The following ERC2 variants were observed in gnomAD, a reference collection of about 807,000 sequenced individuals.
ERC2 encodes the protein ERC protein 2.
Under a neutral mutation model 114.8 loss-of-function variants are expected in ERC2, and 42 were observed. That is an observed-to-expected ratio of 0.37 (90% confidence interval 0.29 to 0.47). The LOEUF is 0.47. Among genes scored for constraint, ERC2 ranks in the 20% least tolerant of loss-of-function variants. The probability of loss-of-function intolerance (pLI) is 0.99; values close to 1 mark genes in which losing one functional copy is unlikely to be tolerated. For missense variants in ERC2, 939 were observed against 1,150.7 expected (o/e 0.82, Z 2.66); for synonymous variants, 454 against 425.5 (o/e 1.07, Z -0.82).
intron 14 of ERC2, among the ~76,000 whole-genome samples, chr3:55,808,744 AC>A (rs2059599229): frequency 1.9e-4 from 16 of 85,668 alleles, no homozygotes; most frequent in South Asian, 5.2e-4. Context: ...TATATATATA[AC>A]GTATAACTAA....
intron 1 of ERC2, among the ~76,000 whole-genome samples, chr3:56,442,510 C>T (rs1418621840): frequency 6.6e-6 from 1 of 152,122 alleles, no homozygotes; most frequent in Non-Finnish European, 1.5e-5. Context: ...CGTGAACCAC[C>T]GTGCCCAGCC....
chr3:55,582,576 T>G (rs11720530), intron 17 of ERC2, among the ~76,000 whole-genome samples: 28,009 of 152,218 alleles, frequency 0.18, 2,579 homozygotes, highest in South Asian at 0.24. Flanking sequence ...GCTAATTGAT[T>G]CCTATTTCAA....
At chr3:55,995,509 A>C (rs537992107) in intron 10 of ERC2, among the ~76,000 whole-genome samples, 3 of 152,310 alleles carry the variant, frequency 2.0e-5, no homozygotes, top group Admixed American at 6.5e-5. Flanking sequence ...ATGTCATTTA[A>C]ATGTTTTTAA....
chr3:56,080,949 T>C lies in ERC2; in HGVS notation c.1509A>G (p.Glu503=), dbSNP rs752930678. ...GTTTTGTTTTTTTATTGAGGAAAGA[T>C]TCTTTTTCTTCCAGTCGTAATCTCA... The part of the protein sequence containing the change: ...DALRLRLEEK[E]SFLNKKTKQL... Residue 503 remains glutamate (E), a synonymous_variant, in exon 7 of 18, where the codon GAA becomes GAG. Coordinates refer to ENST00000288221, the MANE Select transcript of ERC2 (RefSeq NM_015576.3). The C allele has an allele frequency of 1.9e-5, 30 of 1,613,334 alleles. No homozygotes were observed. Among genetic ancestry groups the C allele is most frequent in the Non-Finnish European group, 2.5e-5 (30 of 1,179,624 alleles).
At chr3:56,388,756 T>C (rs2060024653) in intron 2 of ERC2, among the ~76,000 whole-genome samples, 1 of 152,160 alleles carries the variant, frequency 6.6e-6, no homozygotes, top group Non-Finnish European at 1.5e-5. Flanking sequence ...CAATCACATA[T>C]ATATCTAATC....
intron 4 of ERC2, among the ~76,000 whole-genome samples, chr3:56,171,653 A>G (rs141121152): frequency 3.3e-5 from 5 of 152,166 alleles, no homozygotes; most frequent in African/African-American, 1.2e-4. Context: ...TGAGTTTTTT[A>G]TTTATAAATT....
At chr3:56,061,667 A>C (rs1329812775) in intron 7 of ERC2, among the ~76,000 whole-genome samples, 1 of 152,260 alleles carries the variant, frequency 6.6e-6, no homozygotes, top group African/African-American at 2.4e-5. Flanking sequence ...TGGAAATGAA[A>C]TACTAAACCA....
intron 14 of ERC2, among the ~76,000 whole-genome samples, chr3:55,873,578 A>C (rs1275548298): frequency 6.6e-6 from 1 of 152,226 alleles, no homozygotes; most frequent in Non-Finnish European, 1.5e-5. Flanking sequence ...GAATAATCTG[A>C]TGATGGCCCC....
intron 17 of ERC2, among the ~76,000 whole-genome samples, chr3:55,563,048 A>C (rs954931741): frequency 6.6e-6 from 1 of 152,214 alleles, no homozygotes; most frequent in Non-Finnish European, 1.5e-5. Context: ...ACAGAAGGTC[A>C]AAGAAACACA....
At chr3:56,082,506 C>A (rs999055211) in intron 6 of ERC2, among the ~76,000 whole-genome samples, 6 of 152,034 alleles carry the variant, frequency 3.9e-5, no homozygotes, top group Non-Finnish European at 8.8e-5. Flanking sequence ...AAGACAACCA[C>A]CATGATTTAT....
At chr3:56,467,856 C>A (rs977313924) in intron 1 of ERC2, among the ~76,000 whole-genome samples, 4 of 151,828 alleles carry the variant, frequency 2.6e-5, no homozygotes, top group African/African-American at 9.7e-5. Flanking sequence ...CCGCGAACAC[C>A]CCACCCCTCG....
At chr3:56,271,525 T>G (rs2053650782) in intron 3 of ERC2, among the ~76,000 whole-genome samples, 2 of 152,146 alleles carry the variant, frequency 1.3e-5, no homozygotes, top group Admixed American at 1.3e-4. Context: ...TATATGAGAA[T>G]TAAGTACAAT....
At chr3:55,649,149 TC>T (rs905775168) in intron 17 of ERC2, among the ~76,000 whole-genome samples, 2 of 152,116 alleles carry the variant, frequency 1.3e-5, no homozygotes, top group African/African-American at 4.8e-5. Flanking sequence ...GCATAAGACT[TC>T]ACTTCCCTCT....
At chr3:56,229,253 C>T (rs553330664) in intron 3 of ERC2, among the ~76,000 whole-genome samples, 1 of 152,220 alleles carries the variant, frequency 6.6e-6, no homozygotes, top group South Asian at 2.1e-4. Flanking sequence ...TCAACAGTTC[C>T]CCCATGGCAT....
At chr3:55,604,602 G>A (rs1016325355) in intron 17 of ERC2, among the ~76,000 whole-genome samples, 1 of 152,166 alleles carries the variant, frequency 6.6e-6, no homozygotes, top group Non-Finnish European at 1.5e-5. Context: ...GGTTGGGAAG[G>A]TAGTCAGGGG....
intron 14 of ERC2, among the ~76,000 whole-genome samples, chr3:55,756,928 A>G (rs2148984349): frequency 6.6e-6 from 1 of 152,310 alleles, no homozygotes; most frequent in East Asian, 1.9e-4. Flanking sequence ...AAAGAAGAAA[A>G]AAAAAGTATA....
intron 13 of ERC2, among the ~76,000 whole-genome samples, chr3:55,920,415 A>AACACACACAC (rs10560997): frequency 0.15 from 22,300 of 146,554 alleles, 1,781 homozygotes; most frequent in Non-Finnish European, 0.17. Context: ...GGCACACTAA[A>AACACACACAC]ACACACACAC....
At chr3:55,717,558 C>G (rs1473221005) in intron 15 of ERC2, among the ~76,000 whole-genome samples, 2 of 152,278 alleles carry the variant, frequency 1.3e-5, no homozygotes, top group South Asian at 4.1e-4. Context: ...GGCACATATA[C>G]TAACTTTGTC....
intron 12 of ERC2, among the ~76,000 whole-genome samples, chr3:55,967,196 CTT>C (rs1559947438): frequency 6.6e-6 from 1 of 152,114 alleles, no homozygotes; most frequent in Admixed American, 6.5e-5. Context: ...ATGGATAACT[CTT>C]TATTAAATGT....
Sources: allele counts gnomAD v4.1 joint callset (sites outside exome capture counted in the v4.1 genomes callset), GRCh38; gene constraint gnomAD v4.1.1; transcripts MANE v1.5; gene names NCBI Gene and HGNC (gene_info 2026-07-23, HGNC 2026-07-21).